The following ZBTB41 variants were observed in gnomAD, a reference collection of about 807,000 sequenced individuals.
ZBTB41 encodes the protein zinc finger and BTB domain-containing protein 41.
ZBTB41 carries 42 observed loss-of-function variants against 87.6 expected under a neutral mutation model. The ratio of observed to expected loss-of-function variants is 0.48; its 90% CI spans 0.37 to 0.62. The LOEUF is 0.62. Ranked by LOEUF, ZBTB41 falls within the 20% of genes least tolerant of loss-of-function variation. The probability of loss-of-function intolerance (pLI) is 0.00; values close to 1 mark genes in which losing one functional copy is unlikely to be tolerated. For synonymous variants in ZBTB41, 364 were observed against 364.0 expected, an observed-to-expected ratio of 1.00 and a Z score of 0.00; for missense variants, 799 against 1,078.9, an observed-to-expected ratio of 0.74 and a Z score of 3.63.
chr1:197,159,743 T>C lies in ZBTB41; in HGVS notation c.2346A>G (p.Lys782=). 3 of 1,614,016 alleles carry C rather than the reference T, an allele frequency of 1.9e-6. No homozygotes were observed. The highest frequency in any genetic ancestry group is 2.5e-6 in the Non-Finnish European group (3 of 1,179,918). Residue 782 remains lysine (K), a synonymous_variant, in exon 11 of 11, where the codon AAA becomes AAG. Transcript: ENST00000367405. ...SDDKIFQTET[K]QYMDQPKVYQ... The stretch of plus-strand genomic sequence containing the variant: ...AAACTTTGGGCTGGTCCATATATTG[T>C]TTTGTTTCTGTTTGAAAGATTTTGT...
chr1:197,191,456 CAAAAAAAA>C (rs537220441), intron 3 of ZBTB41, among the ~76,000 whole-genome samples: 9 of 85,306 alleles, frequency 1.1e-4, no homozygotes, highest in Admixed American at 5.1e-4. Flanking sequence ...AGCCCTACTT[CAAAAAAAA>C]AAAAAAAAAA....
Position 197,200,457 on chromosome 1 carries a change from T to TC in ZBTB41, c.16_17insG (p.Lys6ArgfsTer7). The TC allele has an allele frequency of 1.3e-6, 2 of 1,593,026 alleles. No homozygotes were observed. On this transcript the variant is annotated frameshift_variant, in exon 2 of 11. Coordinates refer to ENST00000367405, the MANE Select transcript of ZBTB41 (RefSeq NM_194314.3). LOFTEE classifies it high-confidence loss of function. ...GATCTTCTCAAGATTTGAAGTAACC[T>TC]TTCTCCTCTTCTTCATTGCAGTACA... is the stretch of plus-strand genomic sequence containing the variant.
intron 4 of ZBTB41, among the ~76,000 whole-genome samples, chr1:197,190,131 G>T (rs1659990703): frequency 6.6e-6 from 1 of 152,122 alleles, no homozygotes; most frequent in Admixed American, 6.6e-5. Flanking sequence ...ATGTTGGCCA[G>T]ATTGGTCTCG....
chr1:197,172,466 C>T (rs1245788153), intron 9 of ZBTB41, among the ~76,000 whole-genome samples: 3 of 151,934 alleles, frequency 2.0e-5, no homozygotes, highest in Non-Finnish European at 4.4e-5. Flanking sequence ...TTTCCTCTTC[C>T]AGTTACATCC....
intron 1 of ZBTB41, among the ~76,000 whole-genome samples, 67 bp downstream of exon 1, chr1:197,201,156 T>G (rs1286697808): frequency 1.3e-5 from 2 of 152,164 alleles, no homozygotes; most frequent in Non-Finnish European, 2.9e-5. Flanking sequence ...AGAATGCGCT[T>G]GTAGTCGGCG....
In ZBTB41 at chr1:197,159,507, G is replaced by C; in HGVS notation, c.2582C>G (p.Thr861Ser). The change falls in exon 11 of 11, where the codon ACT becomes AGT. Residue 861 changes from threonine to serine, a missense_variant. Around this residue, in one of 5 missense-constraint regions of ZBTB41, gnomAD observed 171 missense variants for 191.9 expected, o/e 0.89. Transcript: ENST00000367405. ...TATATTTGCAGGTTGAGGAGTAAGA[G>C]TATATTTTTCCAGAAAAGCTAAATC... The part of the protein sequence containing the change: ...AADLAFLEKY[T>S]LTPQPANIVH... 3.7e-6 allele frequency: 6 copies of C among 1,613,894 alleles called. No individual in the cohort carries two copies. The highest frequency in any genetic ancestry group is 4.2e-6 in the Non-Finnish European group (5 of 1,179,826).
intron 10 of ZBTB41, among the ~76,000 whole-genome samples, chr1:197,160,544 C>T (rs1369117548): frequency 6.6e-6 from 1 of 152,060 alleles, no homozygotes; most frequent in Non-Finnish European, 1.5e-5. Flanking sequence ...TTATCTCTAG[C>T]CTGAGGTCAA....
intron 2 of ZBTB41, among the ~76,000 whole-genome samples, chr1:197,192,359 G>A (rs893770232): frequency 6.6e-6 from 1 of 152,048 alleles, no homozygotes; most frequent in Admixed American, 6.5e-5. Context: ...AGAGGGTTAC[G>A]TGACCTTGGA....
At position 197,191,855 on chromosome 1, in the gene ZBTB41, A is replaced by G. The variant is rs749502296; in HGVS notation, c.1165T>C (p.Phe389Leu). The G allele has an allele frequency of 1.2e-6, 2 of 1,613,812 alleles. No individual in the cohort carries two copies. The highest frequency in any genetic ancestry group is 1.7e-6 in the Non-Finnish European group (2 of 1,179,844). ...HTRVHTGEKP[F>L]ECDICHQRYS... ...CGCTGGTGACAAATATCACACTCAA[A>G]GGGCTTCTCACCTGTGTGAACACGG... is the stretch of plus-strand genomic sequence containing the variant. Residue 389 changes from phenylalanine (F) to leucine (L), a missense_variant, in exon 3 of 11, where the codon TTT becomes CTT. Phe to Leu is a conservative substitution (Grantham distance 22). Around this residue, in one of 5 missense-constraint regions of ZBTB41, gnomAD observed 294 missense variants for 340.1 expected, o/e 0.86. Coordinates refer to ENST00000367405, the MANE Select transcript of ZBTB41 (RefSeq NM_194314.3).
chr1:197,188,705 T>C (rs1659945790), intron 4 of ZBTB41, among the ~76,000 whole-genome samples: 1 of 152,204 alleles, frequency 6.6e-6, no homozygotes. Context: ...CTATCTTAAT[T>C]CTAGTCAGAA....
intron 10 of ZBTB41, among the ~76,000 whole-genome samples, chr1:197,161,796 T>G (rs370134752): frequency 6.6e-6 from 1 of 151,866 alleles, no homozygotes; most frequent in East Asian, 1.9e-4. Context: ...CTTAAGTGCG[T>G]TCTATAAATC....
intron 10 of ZBTB41, among the ~76,000 whole-genome samples, chr1:197,164,537 A>G (rs1159955503): frequency 6.6e-6 from 1 of 151,292 alleles, no homozygotes; most frequent in Non-Finnish European, 1.5e-5. Context: ...AAGGCTTGGA[A>G]GTAAAAAAAG....
rs548809794 is a variant in ZBTB41, at chr1:197,164,238, T to C, written c.2075-4224A>G. ...GACTGTAACAATTTCAGAATGCACA[T>C]TGTTATCCTGGGTAACCACTAAAAA... On this transcript the variant is annotated intron_variant, in intron 10 of 10. Coordinates refer to ENST00000367405, the MANE Select transcript of ZBTB41 (RefSeq NM_194314.3). 4.6e-5 allele frequency among the ~76,000 whole-genome samples: 7 copies of C among 152,200 alleles called. No individual in the cohort carries two copies. The East Asian group carries it at 7.7e-4, about 17-fold the overall frequency.
rs79868290 is a variant in ZBTB41 at position 197,188,443 on chromosome 1, A to C, written c.1399-4T>G. 2,302 of 1,591,376 alleles carry C rather than the reference A, an allele frequency of 1.4e-3. 27 individuals carry two copies. The African/African-American group carries it at 0.026, about 18-fold the overall frequency. On this transcript the variant is annotated splice_region_variant and splice_polypyrimidine_tract_variant and intron_variant, in intron 4 of 10. Coordinates refer to ENST00000367405, the MANE Select transcript of ZBTB41 (RefSeq NM_194314.3). The stretch of plus-strand genomic sequence containing the variant: ...GAGTAAAAGATTTCTTACAAATCTA[A>C]ATTAAAATGCAAACAAAATGTTAAG...
chr1:197,191,115 T>A (rs768280592), intron 3 of ZBTB41, among the ~76,000 whole-genome samples: 5 of 152,220 alleles, frequency 3.3e-5, no homozygotes, highest in South Asian at 4.1e-4. Flanking sequence ...CTCTATTAAA[T>A]ATTATTTATC....
chr1:197,161,322 TATTA>T (rs1193215402), intron 10 of ZBTB41, among the ~76,000 whole-genome samples: 3 of 152,156 alleles, frequency 2.0e-5, no homozygotes, highest in South Asian at 4.1e-4. Flanking sequence ...GAAAATTACA[TATTA>T]ATTGTCACAT....
chr1:197,174,299 G>C (rs1557978914), intron 9 of ZBTB41, among the ~76,000 whole-genome samples: 1 of 152,122 alleles, frequency 6.6e-6, no homozygotes, highest in Non-Finnish European at 1.5e-5. Context: ...AGCAGAATAA[G>C]ATCAGAGGTC....
chr1:197,193,422 T>C (rs78865786), intron 2 of ZBTB41, among the ~76,000 whole-genome samples: 2,677 of 151,764 alleles, frequency 0.018, 59 homozygotes, highest in Admixed American at 0.043. Flanking sequence ...ACCCAGCACA[T>C]AGTAAGCACT....
chr1:197,159,389 T>C lies in ZBTB41; in HGVS notation c.2700A>G (p.Gln900=). 4.3e-6 allele frequency: 7 copies of C among 1,613,790 alleles called. No homozygotes were observed. Among genetic ancestry groups the C allele is most frequent in the Non-Finnish European group, 5.9e-6 (7 of 1,179,726 alleles). ...AATGATGCTCATTCGTAGAAATATT[T>C]TGAACACCAGTAGTGCTATCAAGGC... ...LLGLDSTTGV[Q]NISTNEHHS Residue 900 remains glutamine, a synonymous_variant, in exon 11 of 11, where the codon CAA becomes CAG. Coordinates refer to ENST00000367405, the MANE Select transcript of ZBTB41 (RefSeq NM_194314.3).
Sources: gnomAD v4.1 joint callset for allele counts (sites outside exome capture counted in the v4.1 genomes callset) on GRCh38, gnomAD v4.1.1 for gene constraint, gnomAD v4.1.1 regional missense constraint, MANE v1.5 for transcripts, NCBI Gene and HGNC (gene_info 2026-07-23, HGNC 2026-07-21) for gene names.